The following UNC13D variants were observed in gnomAD, a reference collection of about 807,000 sequenced individuals.
The protein encoded by UNC13D is unc-13 homolog D.
In UNC13D, 115 loss-of-function variants were observed where a neutral mutation model predicts 151.7. The ratio of observed to expected loss-of-function variants is 0.76; its 90% CI spans 0.65 to 0.88. UNC13D has a LOEUF of 0.88. UNC13D is among the 40% of genes least tolerant of loss of function. The pLI, the probability that UNC13D is intolerant of heterozygous loss-of-function variation, is 0.00. For synonymous variants in UNC13D, 588 were observed against 612.2 expected (o/e 0.96, Z 0.58); for missense variants, 1,369 against 1,438.7 (o/e 0.95, Z 0.78).
In UNC13D at chr17:75,834,542, G is replaced by A; in HGVS notation, c.2092-11C>T. ...CACCACCACACACAGCTGGGACAGA[G>A]ATGCAGAGCTTCCTGAACTGTGCCC... On this transcript the variant is annotated splice_polypyrimidine_tract_variant and intron_variant, in intron 22 of 31. Coordinates refer to ENST00000207549, the MANE Select transcript of UNC13D (RefSeq NM_199242.3). The A allele has an allele frequency of 6.2e-7, 1 of 1,602,410 alleles. No homozygotes were observed. The highest frequency in any genetic ancestry group is 8.5e-7 in the Non-Finnish European group (1 of 1,174,438).
chr17:75,844,348 T>G lies in UNC13D; in HGVS notation c.-11A>C. On this transcript the variant is annotated 5_prime_UTR_variant, in exon 1 of 32. Transcript: ENST00000207549. ...GAGGAGTGTCGCCATGGTGGCCTTC[T>G]CTGCCCTTCCCTGTCCGCTGGTGCT... 1 of 1,604,436 alleles carries G rather than the reference T, an allele frequency of 6.2e-7. No homozygotes were observed. Among genetic ancestry groups the G allele is most frequent in the Non-Finnish European group, 8.5e-7 (1 of 1,176,494 alleles).
Position 75,836,831 on chromosome 17 carries a change from C to T in UNC13D, c.1143G>A (p.Gln381=), listed in dbSNP as rs763089526. Residue 381 remains glutamine (Q), a synonymous_variant, in exon 13 of 32, where the codon CAG becomes CAA. Coordinates refer to ENST00000207549, the MANE Select transcript of UNC13D (RefSeq NM_199242.3). The part of the protein sequence containing the change: ...LLHPITSIEY[Q]WIQGRLKAEQ... ...CTGCCTTGAGCCGACCCTGGATCCA[C>T]TGGTACTCGATGCTGGTGATGGGGT... 6.2e-7 allele frequency: 1 copy of T among 1,614,022 alleles called. No individual in the cohort carries two copies. Among genetic ancestry groups the T allele is most frequent in the Admixed American group, 1.7e-5 (1 of 60,020 alleles).
rs193012444 is a variant in UNC13D at position 75,829,974 on chromosome 17, G to A, written c.2954+54C>T. 8 of 1,557,884 alleles carry A rather than the reference G, an allele frequency of 5.1e-6. No homozygotes were observed. The Admixed American group carries it at 1.4e-4, about 27-fold the overall frequency. ...AGCCAGGAGGAGCAGGCCTGAGGGA[G>A]CCCAGTGGGGAGAGATGAGGGGAGG... On this transcript the variant is annotated intron_variant, in intron 30 of 31. Transcript: ENST00000207549.
At position 75,833,153 on chromosome 17, in the gene UNC13D, A is replaced by G; in HGVS notation, c.2368-108T>C. On this transcript the variant is annotated intron_variant, in intron 24 of 31. Transcript: ENST00000207549. The surrounding 1 kb of genome is among the most constrained non-coding windows in gnomAD (Gnocchi z 4.0). The stretch of plus-strand genomic sequence containing the variant: ...AAACAGGGCTGGGAACCGTTCTGTG[A>G]GAGCAGTTTGTAGTGTCTGTAAGAG... The G allele has an allele frequency of 1.7e-6, 2 of 1,152,560 alleles. No individual in the cohort carries two copies. Among genetic ancestry groups the G allele is most frequent in the East Asian group, 2.6e-5 (1 of 38,132 alleles). The allele number at this position is 1,152,560 out of a possible 1,614,324, so 71.4% of individuals were successfully genotyped here. A position where few individuals can be genotyped will look rare whatever the true frequency, so the allele number is the denominator to read the frequency against.
intron 21 of UNC13D, 91 bp downstream of exon 21, chr17:75,834,829 G>A: frequency 6.2e-7 from 1 of 1,611,196 alleles, no homozygotes; most frequent in Middle Eastern, 1.7e-4. Context: ...CAGGCCTTGG[G>A]AGGCTGCCTG....
chr17:75,841,135 CTTTTTTTTT>C, intron 6 of UNC13D, 134 bp from the exon 7 acceptor site: 5 of 307,462 alleles, frequency 1.6e-5, no homozygotes, highest in East Asian at 7.7e-5. Context: ...AGCCGCATCC[CTTTTTTTTT>C]TTTTTTTTTT....
chr17:75,840,716 G>A lies in UNC13D; in HGVS notation c.683+46C>T, dbSNP rs2064941818. 3 of 1,612,438 alleles carry A rather than the reference G, an allele frequency of 1.9e-6. No individual in the cohort carries two copies. In the South Asian group the frequency reaches 3.3e-5, roughly 18 times the overall value. On this transcript the variant is annotated intron_variant, in intron 8 of 31. Transcript: ENST00000207549. This position sits in a 1 kb window ranked among gnomAD's most constrained non-coding sequence, Gnocchi z 4.6. Reference sequence around the variant, plus strand: ...CAGTGTGCATGTTGGGGGATGGAGGGCAAAAGGAGCCCCAACCCCTTCCCT... The same window carrying A: ...CAGTGTGCATGTTGGGGGATGGAGGACAAAAGGAGCCCCAACCCCTTCCCT...
At chr17:75,836,157 AC>A (rs780638146) in intron 16 of UNC13D, 42 bp downstream of exon 16, 2 of 1,610,528 alleles carry the variant, frequency 1.2e-6, no homozygotes, top group African/African-American at 1.3e-5. Context: ...GGCAGGCACC[AC>A]CCCCCGTGAC....
intron 31 of UNC13D, 57 bp from the exon 32 acceptor site, chr17:75,828,143 T>C (rs2062137009): frequency 6.5e-7 from 1 of 1,549,396 alleles, no homozygotes; most frequent in South Asian, 1.2e-5. Flanking sequence ...TGCCTGGTGG[T>C]GGCAGAGAAG....
rs2064884046 is a variant in UNC13D at position 75,833,187 on chromosome 17, G to A, written c.2368-142C>T. The stretch of plus-strand genomic sequence containing the variant: ...TGTAGTGTCTGTAAGAGGCCGGCCT[G>A]CCCACCTCTCTGCCTTCCCCTCTCC... On this transcript the variant is annotated intron_variant, in intron 24 of 31. Coordinates refer to ENST00000207549, the MANE Select transcript of UNC13D (RefSeq NM_199242.3). The surrounding 1 kb of genome is among the most constrained non-coding windows in gnomAD (Gnocchi z 4.0). 2.7e-6 allele frequency: 2 copies of A among 744,896 alleles called. No individual in the cohort carries two copies. Among genetic ancestry groups the A allele is most frequent in the South Asian group, 3.3e-5 (2 of 59,796 alleles). The allele number at this position is 744,896 out of a possible 1,614,324, so 46.1% of individuals were successfully genotyped here. A position where few individuals can be genotyped will look rare whatever the true frequency, so the allele number is the denominator to read the frequency against.
rs1469248441 is a variant in UNC13D at position 75,841,182 on chromosome 17, C to A, written c.570-181G>T. On this transcript the variant is annotated intron_variant, in intron 6 of 31. Transcript: ENST00000207549. The stretch of plus-strand genomic sequence containing the variant: ...TTTTGAGATGGAGTCTAGTTCTGTC[C>A]CCCAGGCTGGAGGAGTGCAGTGGCA... 7 of 625,774 alleles carry A rather than the reference C, an allele frequency of 1.1e-5. No individual in the cohort carries two copies. In the African/African-American group the frequency reaches 1.4e-4, roughly 13 times the overall value. 38.8% of individuals were successfully genotyped at this position (625,774 alleles called of 1,614,324 possible).
In UNC13D at chr17:75,840,206, GGCCCAGTACCCGACCTACCC is replaced by G. The variant is rs1567821134; in HGVS notation, c.857_858+18del. On this transcript the variant is annotated splice_donor_variant and splice_donor_5th_base_variant and coding_sequence_variant and intron_variant, in exon 10 of 32. Transcript: ENST00000207549. LOFTEE classifies it high-confidence loss of function. The surrounding 1 kb of genome is among the most constrained non-coding windows in gnomAD (Gnocchi z 4.6). ...GCCGCAAGAGCTGGGCATGGCCACT[GGCCCAGTACCCGACCTACCC>G]GCTTATGGATGAGTTGGAACTGGAG... 6.2e-7 allele frequency: 1 copy of G among 1,613,388 alleles called. No individual in the cohort carries two copies. Among genetic ancestry groups the G allele is most frequent in the South Asian group, 1.1e-5 (1 of 91,074 alleles).
rs754257835 is a variant in UNC13D, at chr17:75,840,745, A to G, written c.683+17T>C. 11 of 1,613,732 alleles carry G rather than the reference A, an allele frequency of 6.8e-6. No homozygotes were observed. The East Asian group carries it at 2.2e-4, about 33-fold the overall frequency. On this transcript the variant is annotated intron_variant, in intron 8 of 31. Coordinates refer to ENST00000207549, the MANE Select transcript of UNC13D (RefSeq NM_199242.3). The surrounding 1 kb of genome is among the most constrained non-coding windows in gnomAD (Gnocchi z 4.6). ...AAGGAGCCCCAACCCCTTCCCTGTG[A>G]GCCCTGCAACACGAACCTGCGAAGC...
In UNC13D at chr17:75,840,893, G is replaced by A. The variant is rs6501838; in HGVS notation, c.615-63C>T. 1.9e-6 allele frequency: 3 copies of A among 1,613,746 alleles called. No individual in the cohort carries two copies. Among genetic ancestry groups the A allele is most frequent in the Non-Finnish European group, 2.5e-6 (3 of 1,179,858 alleles). The stretch of plus-strand genomic sequence containing the variant: ...TGCCTACGACCTCTTCCAGGAGGAG[G>A]TTCCGCCTCTCTCACCCCAGATCCC... On this transcript the variant is annotated intron_variant, in intron 7 of 31. Coordinates refer to ENST00000207549, the MANE Select transcript of UNC13D (RefSeq NM_199242.3). This position sits in a 1 kb window ranked among gnomAD's most constrained non-coding sequence, Gnocchi z 4.6.
rs1180768676 is a variant in UNC13D, at chr17:75,830,571, G to A, written c.2709+7C>T. The A allele has an allele frequency of 1.3e-6, 2 of 1,563,932 alleles. No individual in the cohort carries two copies. The highest frequency in any genetic ancestry group is 2.3e-5 in the South Asian group (2 of 85,228). ...GCAGAGGGCGCAGTGCGAGGGAGGG[G>A]CCTCACCTGCTGCTGGATTCGGCTG... On this transcript the variant is annotated splice_region_variant and intron_variant, in intron 28 of 31. Transcript: ENST00000207549.
rs2064909543 is a variant in UNC13D, at chr17:75,836,436, G to A, written c.1299-7C>T. On this transcript the variant is annotated splice_polypyrimidine_tract_variant and splice_region_variant and intron_variant, in intron 14 of 31. Coordinates refer to ENST00000207549, the MANE Select transcript of UNC13D (RefSeq NM_199242.3). The stretch of plus-strand genomic sequence containing the variant: ...GCACATCTGTACCAGGACCCTGCAA[G>A]ATGGAAAGAGCTGTGTCGAAAGTGC... 6.2e-7 allele frequency: 1 copy of A among 1,612,568 alleles called. No homozygotes were observed. The highest frequency in any genetic ancestry group is 1.1e-5 in the South Asian group (1 of 91,068).
chr17:75,837,524 C>T (rs1168992709), intron 12 of UNC13D, among the ~76,000 whole-genome samples: 2 of 150,770 alleles, frequency 1.3e-5, no homozygotes, highest in South Asian at 2.1e-4. Context: ...GAGGCCGAGG[C>T]GGGTGGATCA....
chr17:75,835,242 C>T, intron 20 of UNC13D, 167 bp downstream of exon 20: 1 of 1,372,342 alleles, frequency 7.3e-7, no homozygotes, highest in Non-Finnish European at 9.9e-7. Flanking sequence ...AAGCCACAGC[C>T]CCAAGGATAT....
Position 75,840,728 on chromosome 17 carries a change from C to T in UNC13D, c.683+34G>A. On this transcript the variant is annotated intron_variant, in intron 8 of 31. Coordinates refer to ENST00000207549, the MANE Select transcript of UNC13D (RefSeq NM_199242.3). This position sits in a 1 kb window ranked among gnomAD's most constrained non-coding sequence, Gnocchi z 4.6. ...TGGGGGATGGAGGGCAAAAGGAGCCCCAACCCCTTCCCTGTGAGCCCTGCA... is the reference window on the plus strand; with the variant it reads ...TGGGGGATGGAGGGCAAAAGGAGCCTCAACCCCTTCCCTGTGAGCCCTGCA... The T allele has an allele frequency of 1.2e-6, 2 of 1,613,674 alleles. No homozygotes were observed. Among genetic ancestry groups the T allele is most frequent in the Non-Finnish European group, 1.7e-6 (2 of 1,179,934 alleles).
Sources: allele counts gnomAD v4.1 joint callset (sites outside exome capture counted in the v4.1 genomes callset), GRCh38; gene constraint gnomAD v4.1.1; non-coding constraint Gnocchi (gnomAD v3.1); transcripts MANE v1.5; gene names NCBI Gene and HGNC (gene_info 2026-07-23, HGNC 2026-07-21).